Variants in DYNC1H1 observed in about 807,000 individuals in gnomAD.
The protein encoded by DYNC1H1 is cytoplasmic dynein 1 heavy chain 1.
A neutral mutation model predicts 527.1 loss-of-function variants in DYNC1H1; 51 were observed. The observed-to-expected ratio is 0.10, with a 90% CI of 0.08 to 0.12. The LOEUF is 0.12. Among genes scored for constraint, DYNC1H1 ranks in the 10% least tolerant of loss-of-function variants. The pLI is 1.00. For synonymous variants in DYNC1H1, 2,189 were observed against 2,278.8 expected, an observed-to-expected ratio of 0.96 and a Z score of 1.12; for missense variants, 2,771 against 5,971.8, an observed-to-expected ratio of 0.46 and a Z score of 17.66.
chr14:102,030,363 A>G (rs1386324177), intron 51 of DYNC1H1, 81 bp downstream of exon 51: 15 of 1,594,252 alleles, frequency 9.4e-6, no homozygotes, highest in East Asian at 2.2e-5. Flanking sequence ...GTCACTGAAC[A>G]TTGCACATAT....
At chr14:101,977,334 A>G (rs925789853) in intron 2 of DYNC1H1, among the ~76,000 whole-genome samples, 4 of 152,210 alleles carry the variant, frequency 2.6e-5, no homozygotes, top group Admixed American at 1.3e-4. Flanking sequence ...ATCTCAGGTT[A>G]CGGAAGAGTT....
At chr14:102,003,321 G>A (rs1041734432) in intron 23 of DYNC1H1, among the ~76,000 whole-genome samples, 2 of 151,196 alleles carry the variant, frequency 1.3e-5, no homozygotes, top group Admixed American at 1.3e-4. Flanking sequence ...GGAGCACGTG[G>A]TGCCATCTCG....
rs1170738620 is a variant in DYNC1H1 at position 102,055,801 on chromosome 14, CAT to C, written c.*5239_*5240del. On this transcript the variant is annotated 3_prime_UTR_variant, in exon 78 of 78. Transcript: ENST00000360184. The stretch of plus-strand genomic sequence containing the variant: ...GCAAACTCTGACTCTAACCTCAAAA[CAT>C]GTCCAGAATTCAGCCACATCTCCCC... 1 of 152,488 alleles carries C rather than the reference CAT, an allele frequency of 6.6e-6. No homozygotes were observed. Among genetic ancestry groups the C allele is most frequent in the South Asian group, 2.1e-4 (1 of 4,842 alleles). 9.4% of individuals were successfully genotyped at this position (152,488 alleles called of 1,614,324 possible). A position where few individuals can be genotyped will look rare whatever the true frequency, so the allele number is the denominator to read the frequency against.
In DYNC1H1 at chr14:102,020,170, C is replaced by A. The variant is rs539511218; in HGVS notation, c.8507+114C>A. ...CTGCCTAAGTTAGAGCCAGGTGGTG[C>A]CAGTGGTGGAAGGAGCAGAGTCAGC... On this transcript the variant is annotated intron_variant, in intron 42 of 77. Coordinates refer to ENST00000360184, the MANE Select transcript of DYNC1H1 (RefSeq NM_001376.5). This position sits in a 1 kb window ranked among gnomAD's most constrained non-coding sequence, Gnocchi z 4.3. 1.5e-4 allele frequency: 211 copies of A among 1,425,764 alleles called. 1 individual carries two copies. The highest frequency in any genetic ancestry group is 1.4e-4 in the Non-Finnish European group (144 of 1,040,858). 88.3% of individuals were successfully genotyped at this position (1,425,764 alleles called of 1,614,324 possible).
At position 102,029,794 on chromosome 14, in the gene DYNC1H1, T is replaced by C; in HGVS notation, c.9643-25T>C. Reference sequence around the variant, plus strand: ...ATATAATTTCTGCATGTTTCTCGTCTCTGAGTGTGGGCTTTGCTCTTTAGG... The same window carrying C: ...ATATAATTTCTGCATGTTTCTCGTCCCTGAGTGTGGGCTTTGCTCTTTAGG... On this transcript the variant is annotated intron_variant, in intron 49 of 77. Coordinates refer to ENST00000360184, the MANE Select transcript of DYNC1H1 (RefSeq NM_001376.5). The surrounding 1 kb of genome is among the most constrained non-coding windows in gnomAD (Gnocchi z 5.3). The C allele has an allele frequency of 6.2e-7, 1 of 1,614,176 alleles. No individual in the cohort carries two copies. The highest frequency in any genetic ancestry group is 8.5e-7 in the Non-Finnish European group (1 of 1,180,030).
intron 72 of DYNC1H1, among the ~76,000 whole-genome samples, chr14:102,046,866 A>G (rs1049279299): frequency 6.6e-6 from 1 of 151,188 alleles, no homozygotes; most frequent in Non-Finnish European, 1.5e-5. Context: ...TGGTGCAATC[A>G]GAGCTCACTG....
chr14:102,040,348 G>A lies in DYNC1H1; in HGVS notation c.11803G>A (p.Val3935Met), dbSNP rs770188348. 5 of 1,614,104 alleles carry A rather than the reference G, an allele frequency of 3.1e-6. No individual in the cohort carries two copies. The East Asian group carries it at 1.1e-4, about 36-fold the overall frequency. The change falls in exon 63 of 78, where the codon GTG becomes ATG. Residue 3935 changes from valine to methionine, a missense_variant. Val to Met is a conservative substitution (Grantham distance 21). Around this residue, in one of 32 missense-constraint regions of DYNC1H1, gnomAD observed 120 missense variants for 161.9 expected, o/e 0.74. Coordinates refer to ENST00000360184, the MANE Select transcript of DYNC1H1 (RefSeq NM_001376.5). ...QGLTVEQAEA[V>M]VRLSCLPAFK... Reference sequence around the variant, plus strand: ...CCTGACTGTGGAGCAGGCGGAGGCGGTGGTGAGGCTGAGCTGCCTTCCCGC... The same window carrying A: ...CCTGACTGTGGAGCAGGCGGAGGCGATGGTGAGGCTGAGCTGCCTTCCCGC...
rs1418745917 is a variant in DYNC1H1, at chr14:101,965,399, A to T, written c.256+452A>T. ...AGCTTTTCGGTTTCGATTTGTGTCC[A>T]AGCCAAGTGGCCTTCGGGAGGGATG... On this transcript the variant is annotated intron_variant, in intron 1 of 77. Coordinates refer to ENST00000360184, the MANE Select transcript of DYNC1H1 (RefSeq NM_001376.5). The surrounding 1 kb of genome is among the most constrained non-coding windows in gnomAD (Gnocchi z 4.1). Among the ~76,000 whole-genome samples, 3 of 152,182 alleles carry T rather than the reference A, an allele frequency of 2.0e-5. No individual in the cohort carries two copies. The highest frequency in any genetic ancestry group is 7.2e-5 in the African/African-American group (3 of 41,450).
Position 102,016,925 on chromosome 14 carries a change from G to T in DYNC1H1, c.7774G>T (p.Val2592Phe). 2 of 1,614,222 alleles carry T rather than the reference G, an allele frequency of 1.2e-6. No homozygotes were observed. Among genetic ancestry groups the T allele is most frequent in the Non-Finnish European group, 1.7e-6 (2 of 1,180,030 alleles). ...TTGGCTGGCCGAACACAAGCCCCTGGTCTTGTGTGGCCCTCCTGGGTCTGG... is the reference window on the plus strand; with the variant it reads ...TTGGCTGGCCGAACACAAGCCCCTGTTCTTGTGTGGCCCTCCTGGGTCTGG... ...YTWLAEHKPLVLCGPPGSGKT... is the reference protein window; with the variant it reads ...YTWLAEHKPLFLCGPPGSGKT... Residue 2592 changes from valine to phenylalanine, a missense_variant, in exon 38 of 78, where the codon GTC becomes TTC. By Grantham distance (50) the Val-to-Phe change is conservative. Transcript: ENST00000360184. This position sits in a 1 kb window ranked among gnomAD's most constrained non-coding sequence, Gnocchi z 7.3.
chr14:102,009,657 C>T (rs1002834650), intron 29 of DYNC1H1, 186 bp from the exon 30 acceptor site: 3 of 833,372 alleles, frequency 3.6e-6, no homozygotes, highest in Non-Finnish European at 5.5e-6. Context: ...GGAATGGGTC[C>T]ACCTGGGCTG....
In DYNC1H1 at chr14:101,983,362, C is replaced by T. The variant is rs761543297; in HGVS notation, c.1234-20C>T. ...AAATATGTCTTAATAATAAGCCTCA[C>T]TTTTGAAATTATATCCTAGGTTATG... On this transcript the variant is annotated intron_variant, in intron 6 of 77. Transcript: ENST00000360184. The surrounding 1 kb of genome is among the most constrained non-coding windows in gnomAD (Gnocchi z 5.3). 1 of 1,614,076 alleles carries T rather than the reference C, an allele frequency of 6.2e-7. No individual in the cohort carries two copies. The highest frequency in any genetic ancestry group is 8.5e-7 in the Non-Finnish European group (1 of 1,179,960).
At chr14:101,982,434 T>C (rs542487235) in intron 5 of DYNC1H1, among the ~76,000 whole-genome samples, 1 of 151,562 alleles carries the variant, frequency 6.6e-6, no homozygotes, top group Non-Finnish European at 1.5e-5. Flanking sequence ...TTTGTAAAAA[T>C]ACAAAAAATT....
chr14:102,045,836 C>CCAG (rs142728808), intron 72 of DYNC1H1, among the ~76,000 whole-genome samples: 4,486 of 151,936 alleles, frequency 0.03, 96 homozygotes, highest in Non-Finnish European at 0.045. Flanking sequence ...GGCTCCCAAA[C>CCAG]CAGCAGCAGC....
intron 1 of DYNC1H1, among the ~76,000 whole-genome samples, chr14:101,970,638 A>T (rs1213719594): frequency 6.6e-6 from 1 of 151,778 alleles, no homozygotes. Context: ...ATGTGCCACC[A>T]CGTCTAGCTA....
chr14:102,010,975 C>T lies in DYNC1H1; in HGVS notation c.6618+23C>T. 1 of 1,612,806 alleles carries T rather than the reference C, an allele frequency of 6.2e-7. No individual in the cohort carries two copies. The highest frequency in any genetic ancestry group is 1.1e-5 in the South Asian group (1 of 91,044). On this transcript the variant is annotated intron_variant, in intron 32 of 77. Coordinates refer to ENST00000360184, the MANE Select transcript of DYNC1H1 (RefSeq NM_001376.5). This position sits in a 1 kb window ranked among gnomAD's most constrained non-coding sequence, Gnocchi z 6.0. ...AAGGTAACTTGGATTGTTTCACTGG[C>T]CACTGCCCTCACAGACCCTGCTGGC...
chr14:102,032,953 C>A, intron 52 of DYNC1H1, 112 bp from the exon 53 acceptor site: 1 of 1,103,062 alleles, frequency 9.1e-7, no homozygotes, highest in Non-Finnish European at 1.4e-6. Context: ...AGTGGTCAGT[C>A]ACTGGGGCAA....
At position 102,040,647 on chromosome 14, in the gene DYNC1H1, A is replaced by C; in HGVS notation, c.11915A>C (p.Tyr3972Ser). 6.2e-7 allele frequency: 1 copy of C among 1,614,174 alleles called. No homozygotes were observed. The highest frequency in any genetic ancestry group is 1.1e-5 in the South Asian group (1 of 91,076). ...AGCTCCCCGGAGCAGACTGTGCCCT[A>C]CCTCTGGAGTGAAGAAACACCTGCA... ...DSSSPEQTVP[Y>S]LWSEETPATP... Residue 3972 changes from tyrosine to serine, a missense_variant, in exon 64 of 78, where the codon TAC becomes TCC. Around this residue, in one of 32 missense-constraint regions of DYNC1H1, gnomAD observed 120 missense variants for 161.9 expected, o/e 0.74. Coordinates refer to ENST00000360184, the MANE Select transcript of DYNC1H1 (RefSeq NM_001376.5).
rs2048071250 is a variant in DYNC1H1, at chr14:101,997,085, A to G, written c.3615A>G (p.Pro1205=). 6.2e-7 allele frequency: 1 copy of G among 1,614,014 alleles called. No homozygotes were observed. Among genetic ancestry groups the G allele is most frequent in the Non-Finnish European group, 8.5e-7 (1 of 1,180,018 alleles). ...TGGAAAAGCAAAGGTTCCAGTTCCC[A>G]CCTTCCTGGCTTTATATTGACAACA... is the stretch of plus-strand genomic sequence containing the variant. ...RLLEKQRFQF[P]PSWLYIDNIE... The change falls in exon 16 of 78, where the codon CCA becomes CCG. Residue 1205 remains proline, a synonymous_variant. Transcript: ENST00000360184. The surrounding 1 kb of genome is among the most constrained non-coding windows in gnomAD (Gnocchi z 4.8).
chr14:101,989,921 T>C (rs1379050924), intron 10 of DYNC1H1, among the ~76,000 whole-genome samples: 2 of 152,230 alleles, frequency 1.3e-5, no homozygotes, highest in East Asian at 3.8e-4. Flanking sequence ...ACCTTTTCTA[T>C]GCCGACATAT....
Sources: gnomAD v4.1 joint callset for allele counts (sites outside exome capture counted in the v4.1 genomes callset) on GRCh38, gnomAD v4.1.1 for gene constraint, gnomAD v4.1.1 regional missense constraint, Gnocchi (gnomAD v3.1) non-coding constraint, MANE v1.5 for transcripts, NCBI Gene and HGNC (gene_info 2026-07-23, HGNC 2026-07-21) for gene names.